Variants in FBXL7 observed in about 807,000 individuals in gnomAD.
FBXL7 encodes F-box/LRR-repeat protein 7.
Under a neutral mutation model 38.3 loss-of-function variants are expected in FBXL7, and 12 were observed. The ratio of observed to expected loss-of-function variants is 0.31; its 90% CI spans 0.20 to 0.51. The LOEUF is 0.51. FBXL7 is among the 20% of genes least tolerant of loss of function. FBXL7 has a pLI of 0.98. For synonymous variants in FBXL7, 297 were observed against 300.9 expected, an observed-to-expected ratio of 0.99 and a Z score of 0.13; for missense variants, 567 against 676.4, an observed-to-expected ratio of 0.84 and a Z score of 1.79.
intron 1 of FBXL7, among the ~76,000 whole-genome samples, chr5:15,610,324 G>C (rs775103363): frequency 2.3e-4 from 35 of 151,994 alleles, no homozygotes; most frequent in Admixed American, 1.8e-3. Context: ...TCTTGCCCCT[G>C]GTCATTTCCA....
At chr5:15,705,547 T>C (rs1743657070) in intron 2 of FBXL7, among the ~76,000 whole-genome samples, 1 of 152,024 alleles carries the variant, frequency 6.6e-6, no homozygotes, top group Non-Finnish European at 1.5e-5. Context: ...CAGTTTGGGA[T>C]TGTAATGAAA....
intron 1 of FBXL7, among the ~76,000 whole-genome samples, chr5:15,612,377 A>G (rs1242505665): frequency 1.3e-5 from 2 of 152,188 alleles, no homozygotes; most frequent in East Asian, 3.8e-4. Flanking sequence ...AGTGTTAGCT[A>G]TTATTATAAA....
intron 2 of FBXL7, among the ~76,000 whole-genome samples, chr5:15,653,363 C>T (rs1741773555): frequency 6.6e-6 from 1 of 152,086 alleles, no homozygotes; most frequent in African/African-American, 2.4e-5. Context: ...GAAGTATTCT[C>T]TTATTTAGTT....
chr5:15,633,589 G>A (rs982876644), intron 2 of FBXL7, among the ~76,000 whole-genome samples: 2 of 151,244 alleles, frequency 1.3e-5, no homozygotes, highest in East Asian at 1.9e-4. Context: ...GTTTATACTC[G>A]GATGCATCTG....
chr5:15,747,007 C>T (rs1419586847), intron 2 of FBXL7, among the ~76,000 whole-genome samples: 1 of 152,058 alleles, frequency 6.6e-6, no homozygotes, highest in Admixed American at 6.5e-5. Flanking sequence ...ACAAACAATT[C>T]ACAGAGAGTG....
intron 2 of FBXL7, among the ~76,000 whole-genome samples, chr5:15,729,665 A>C (rs1268894597): frequency 6.6e-6 from 1 of 152,184 alleles, no homozygotes; most frequent in African/African-American, 2.4e-5. Flanking sequence ...TTATATATAG[A>C]CAAAAATTTT....
Position 15,644,286 on chromosome 5 carries a change from C to A in FBXL7, c.127+28214C>A, listed in dbSNP as rs182253716. On this transcript the variant is annotated intron_variant, in intron 2 of 3. Transcript: ENST00000504595. Reference sequence around the variant, plus strand: ...CCAGCCTGGCCAACATGGAGAAACCCCGTCTCTACTAAAAATCCAAAAAAA... The same window carrying A: ...CCAGCCTGGCCAACATGGAGAAACCACGTCTCTACTAAAAATCCAAAAAAA... Among the ~76,000 whole-genome samples, 252 of 148,912 alleles carry A rather than the reference C, an allele frequency of 1.7e-3. 2 individuals are homozygous for A. Among genetic ancestry groups the A allele is most frequent in the African/African-American group, 5.7e-3 (228 of 40,226 alleles).
Position 15,807,109 on chromosome 5 carries a change from G to A in FBXL7, c.128-120781G>A, listed in dbSNP as rs529597766. ...TGAGATTACAGAAGCACACCACCAC[G>A]CCTGGCTAATATCTGTATTTTCATA... On this transcript the variant is annotated intron_variant, in intron 2 of 3. Coordinates refer to ENST00000504595, the MANE Select transcript of FBXL7 (RefSeq NM_012304.5). Among the ~76,000 whole-genome samples the A allele has an allele frequency of 2.1e-3, 321 of 152,078 alleles. 2 individuals carry two copies. The highest frequency in any genetic ancestry group is 7.1e-3 in the African/African-American group (295 of 41,488).
chr5:15,702,461 G>A (rs1182354280), intron 2 of FBXL7, among the ~76,000 whole-genome samples: 1 of 152,156 alleles, frequency 6.6e-6, no homozygotes, highest in East Asian at 1.9e-4. Context: ...GAGAACTACA[G>A]GAGCCACGCG....
chr5:15,797,330 G>C (rs531777243), intron 2 of FBXL7, among the ~76,000 whole-genome samples: 2 of 152,316 alleles, frequency 1.3e-5, no homozygotes, highest in Admixed American at 1.3e-4. Flanking sequence ...CCAGAGGAAC[G>C]TGATATGTGG....
rs529982265 is a variant in FBXL7, at chr5:15,625,149, G to C, written c.127+9077G>C. ...GTTATAGCAACAGAAAATGGACTAA[G>C]ACAGTTATGGAAGGCAAATATTAGT... is the stretch of plus-strand genomic sequence containing the variant. On this transcript the variant is annotated intron_variant, in intron 2 of 3. Transcript: ENST00000504595. 2.2e-3 allele frequency among the ~76,000 whole-genome samples: 329 copies of C among 152,260 alleles called. 1 individual carries two copies. Among genetic ancestry groups the C allele is most frequent in the Non-Finnish European group, 3.6e-3 (246 of 68,028 alleles).
intron 3 of FBXL7, among the ~76,000 whole-genome samples, chr5:15,932,272 G>C (rs552103322): frequency 6.6e-6 from 1 of 152,112 alleles, no homozygotes; most frequent in Non-Finnish European, 1.5e-5. Flanking sequence ...AGGGAACCAC[G>C]TAGGAGGCAC....
intron 3 of FBXL7, among the ~76,000 whole-genome samples, chr5:15,932,687 G>A (rs991329187): frequency 1.2e-4 from 18 of 152,070 alleles, no homozygotes; most frequent in Admixed American, 1.1e-3. Flanking sequence ...TCTCTGGGAT[G>A]TGTCTATTAT....
intron 2 of FBXL7, among the ~76,000 whole-genome samples, chr5:15,791,821 T>C (rs1041062829): frequency 6.6e-6 from 1 of 152,050 alleles, no homozygotes; most frequent in African/African-American, 2.4e-5. Flanking sequence ...CAGTTCCAAA[T>C]AGGAGCCAGA....
intron 2 of FBXL7, among the ~76,000 whole-genome samples, chr5:15,828,493 T>C (rs1211797952): frequency 6.6e-6 from 1 of 152,228 alleles, no homozygotes; most frequent in Admixed American, 6.5e-5. Context: ...TTTTCAAATA[T>C]AGCTTTTAAA....
At chr5:15,524,022 G>C (rs1401156025) in intron 1 of FBXL7, among the ~76,000 whole-genome samples, 1 of 152,190 alleles carries the variant, frequency 6.6e-6, no homozygotes, top group African/African-American at 2.4e-5. Context: ...GGTGTTAGGG[G>C]AGATGATATA....
At chr5:15,715,489 CAAAAAAAAAAAA>C (rs1157372026) in intron 2 of FBXL7, among the ~76,000 whole-genome samples, 1 of 75,298 alleles carries the variant, frequency 1.3e-5, no homozygotes, top group Admixed American at 1.5e-4. Context: ...GACTCCGTCT[CAAAAAAAAAAAA>C]AAAAAAAAAA....
intron 1 of FBXL7, among the ~76,000 whole-genome samples, chr5:15,584,058 C>T (rs988391981): frequency 1.4e-4 from 21 of 152,154 alleles, no homozygotes; most frequent in Non-Finnish European, 2.2e-4. Context: ...AGCAGTGGCT[C>T]GAGCTGTACC....
chr5:15,606,446 G>A (rs1406128857), intron 1 of FBXL7, among the ~76,000 whole-genome samples: 1 of 152,226 alleles, frequency 6.6e-6, no homozygotes, highest in Non-Finnish European at 1.5e-5. Flanking sequence ...CGATTTTAAA[G>A]AATTCATCTG....
Sources: allele counts gnomAD v4.1 joint callset (sites outside exome capture counted in the v4.1 genomes callset), GRCh38; gene constraint gnomAD v4.1.1; transcripts MANE v1.5; gene names NCBI Gene and HGNC (gene_info 2026-07-23, HGNC 2026-07-21).